PDE4D: variants seen among roughly 807,000 people sequenced by gnomAD.
The protein encoded by PDE4D is 3',5'-cyclic-AMP phosphodiesterase 4D.
Under a neutral mutation model 87.4 loss-of-function variants are expected in PDE4D, and 24 were observed. The ratio of observed to expected loss-of-function variants is 0.27; its 90% confidence interval spans 0.20 to 0.39. PDE4D has a LOEUF of 0.39. PDE4D is among the 10% of genes least tolerant of loss of function. The probability of loss-of-function intolerance (pLI) is 1.00; values close to 1 mark genes in which losing one functional copy is unlikely to be tolerated. For synonymous variants in PDE4D, 384 were observed against 383.2 expected, an observed-to-expected ratio of 1.00 and a Z score of -0.02; for missense variants, 714 against 1,041.0, an observed-to-expected ratio of 0.69 and a Z score of 4.32.
chr5:59,256,282 C>A (rs1471740531), intron 1 of PDE4D, among the ~76,000 whole-genome samples: 1 of 152,040 alleles, frequency 6.6e-6, no homozygotes, highest in Non-Finnish European at 1.5e-5. Context: ...ACAATAACTT[C>A]CTTTTAAAAG....
rs1384479557 is a variant in PDE4D, at chr5:59,156,331, A to ATATATATGTG, written c.808+24263_808+24264insCACATATATA. ...CCAGAAAAAAAAAAAATATATATAT[A>ATATATATGTG]TGTGTGTGTGTGTGTGTGTGTGTGT... On this transcript the variant is annotated intron_variant, in intron 5 of 14. Transcript: ENST00000340635. Among the ~76,000 whole-genome samples, 70 of 122,740 alleles carry ATATATATGTG rather than the reference A, an allele frequency of 5.7e-4. 1 individual carries two copies. Among genetic ancestry groups the ATATATATGTG allele is most frequent in the African/African-American group, 2.3e-3 (69 of 29,634 alleles). 80.5% of individuals were successfully genotyped at this position (122,740 alleles called of 152,430 possible). A position where few individuals can be genotyped will look rare whatever the true frequency, so the allele number is the denominator to read the frequency against.
chr5:59,193,729 C>T (rs1744827075), intron 2 of PDE4D, 193 bp from the exon 3 acceptor site: 3 of 985,238 alleles, frequency 3.0e-6, no homozygotes, highest in Non-Finnish European at 3.6e-6. Context: ...AACAATTGTC[C>T]AACTCCCTGG....
At chr5:60,388,731 G>A (rs1392515890) in intron 1 of PDE4D, among the ~76,000 whole-genome samples, 2 of 152,214 alleles carry the variant, frequency 1.3e-5, no homozygotes, top group African/African-American at 4.8e-5. Flanking sequence ...AAGGAGGACA[G>A]GAGAAGGTTA....
intron 1 of PDE4D, among the ~76,000 whole-genome samples, chr5:59,499,430 A>T (rs372480123): frequency 7.2e-5 from 11 of 152,032 alleles, no homozygotes; most frequent in African/African-American, 2.6e-4. Context: ...AAATCAGAAC[A>T]GAATTAAATG....
At chr5:59,619,993 C>T (rs1184614934) in intron 1 of PDE4D, among the ~76,000 whole-genome samples, 1 of 152,082 alleles carries the variant, frequency 6.6e-6, no homozygotes, top group Non-Finnish European at 1.5e-5. Flanking sequence ...AGACTTAGTC[C>T]ATGGCTAAAG....
intron 1 of PDE4D, among the ~76,000 whole-genome samples, chr5:59,417,648 A>G (rs1295051273): frequency 3.3e-5 from 5 of 152,080 alleles, no homozygotes; most frequent in Non-Finnish European, 5.9e-5. Context: ...GTGACAGAGT[A>G]CTAGTACTAT....
intron 2 of PDE4D, among the ~76,000 whole-genome samples, chr5:60,133,083 C>G (rs1274842622): frequency 6.6e-6 from 1 of 152,102 alleles, no homozygotes; most frequent in Non-Finnish European, 1.5e-5. Flanking sequence ...CATAAAAAGG[C>G]ATCAAAGTCC....
intron 3 of PDE4D, among the ~76,000 whole-genome samples, chr5:59,932,835 A>T (rs1756121896): frequency 6.6e-6 from 1 of 152,222 alleles, no homozygotes. Context: ...AAAATTGGGA[A>T]ATCTATAAAG....
intron 1 of PDE4D, among the ~76,000 whole-genome samples, chr5:59,714,046 C>T (rs531385982): frequency 2.6e-5 from 4 of 152,200 alleles, no homozygotes; most frequent in Middle Eastern, 6.8e-3. Context: ...GGCCTGGGTC[C>T]GTCATCTCAG....
At chr5:60,233,044 T>C (rs950717951) in intron 1 of PDE4D, among the ~76,000 whole-genome samples, 1 of 151,706 alleles carries the variant, frequency 6.6e-6, no homozygotes, top group African/African-American at 2.4e-5. Context: ...TTCTAAAACT[T>C]AGCTGCAAGA....
intron 1 of PDE4D, among the ~76,000 whole-genome samples, chr5:59,807,092 T>C (rs1767822731): frequency 6.6e-6 from 1 of 152,112 alleles, no homozygotes; most frequent in South Asian, 2.1e-4. Flanking sequence ...CGAGCCCCTT[T>C]CTGGCCAGCA....
At chr5:59,113,706 G>A (rs1372190545) in intron 5 of PDE4D, among the ~76,000 whole-genome samples, 3 of 152,196 alleles carry the variant, frequency 2.0e-5, no homozygotes, top group Non-Finnish European at 4.4e-5. Flanking sequence ...CTTGGAAACA[G>A]ACTGCCAAAG....
intron 1 of PDE4D, among the ~76,000 whole-genome samples, chr5:60,204,931 G>A (rs1392410006): frequency 6.6e-6 from 1 of 152,214 alleles, no homozygotes; most frequent in Non-Finnish European, 1.5e-5. Flanking sequence ...TAAAATGTGT[G>A]AAGGACCTGG....
chr5:60,495,616 T>C (rs1749771821), intron 1 of PDE4D, among the ~76,000 whole-genome samples: 1 of 152,224 alleles, frequency 6.6e-6, no homozygotes, highest in Non-Finnish European at 1.5e-5. Context: ...CAATCCCAAC[T>C]TCATAGATTC....
At chr5:59,214,625 C>G (rs1177871878) in intron 2 of PDE4D, among the ~76,000 whole-genome samples, 1 of 152,070 alleles carries the variant, frequency 6.6e-6, no homozygotes, top group African/African-American at 2.4e-5. Flanking sequence ...AAGAAGCATT[C>G]TCATTATGTG....
intron 1 of PDE4D, among the ~76,000 whole-genome samples, chr5:59,372,710 C>A (rs776884754): frequency 6.6e-6 from 1 of 152,224 alleles, no homozygotes; most frequent in Non-Finnish European, 1.5e-5. Flanking sequence ...TCCTGCCCAC[C>A]TCTGTAAGCT....
intron 1 of PDE4D, among the ~76,000 whole-genome samples, chr5:60,308,679 T>C (rs913484717): frequency 2.6e-5 from 4 of 152,194 alleles, no homozygotes; most frequent in African/African-American, 9.6e-5. Flanking sequence ...TAACACAGCA[T>C]GGTTTATAAT....
chr5:60,318,736 A>G (rs1744636397), intron 1 of PDE4D, among the ~76,000 whole-genome samples: 1 of 151,780 alleles, frequency 6.6e-6, no homozygotes, highest in Admixed American at 6.6e-5. Flanking sequence ...TTTCTCCTTC[A>G]CTTATGAAGC....
chr5:60,451,835 C>G (rs974981613), intron 1 of PDE4D, among the ~76,000 whole-genome samples: 1 of 152,026 alleles, frequency 6.6e-6, no homozygotes, highest in South Asian at 2.1e-4. Flanking sequence ...ACAACTGATA[C>G]AGGATCTTTA....
Sources: allele counts gnomAD v4.1 joint callset (sites outside exome capture counted in the v4.1 genomes callset), GRCh38; gene constraint gnomAD v4.1.1; transcripts MANE v1.5; gene names NCBI Gene and HGNC (gene_info 2026-07-23, HGNC 2026-07-21).